Variants in CHLSN observed in about 807,000 individuals in gnomAD.
CHLSN encodes cholesin, also known as protein cholesin.
At chr7:1,105,346 C>T in the CHLSN span, among the ~76,000 whole-genome samples, 5 of 152,234 alleles carry the variant, frequency 3.3e-5, no homozygotes, top group African/African-American at 4.8e-5. Context: ...TGCCGCCGGC[C>T]GGCTGTGGAA....
chr7:1,113,290 C>G, the CHLSN span, among the ~76,000 whole-genome samples: 6 of 152,174 alleles, frequency 3.9e-5, no homozygotes, highest in African/African-American at 9.7e-5. Context: ...AGTGAGCGCC[C>G]TGATGGCACT....
the CHLSN span, chr7:1,093,046 C>T: frequency 1.4e-6 from 1 of 714,234 alleles, no homozygotes; most frequent in Non-Finnish European, 2.6e-6. Flanking sequence ...GACTGGTCAC[C>T]TTGCACTCCT....
At chr7:1,124,432 T>C in the CHLSN span, among the ~76,000 whole-genome samples, 1 of 151,246 alleles carries the variant, frequency 6.6e-6, no homozygotes, top group African/African-American at 2.4e-5. Flanking sequence ...CTCTGCGGAA[T>C]TGAGACTGGG....
chr7:1,062,872 G>A, the CHLSN span, among the ~76,000 whole-genome samples: 1 of 152,148 alleles, frequency 6.6e-6, no homozygotes, highest in African/African-American at 2.4e-5. Context: ...CATTTCACAT[G>A]TACCCCTACT....
At chr7:1,076,487 C>T in the CHLSN span, among the ~76,000 whole-genome samples, 2,964 of 152,304 alleles carry the variant, frequency 0.019, 102 homozygotes, top group African/African-American at 0.068. Flanking sequence ...GGATGTGCCA[C>T]GCTGGTTTTC....
chr7:1,135,996 AAT>A, the CHLSN span, among the ~76,000 whole-genome samples: 19 of 122,310 alleles, frequency 1.6e-4, no homozygotes, highest in East Asian at 2.3e-4. Context: ...AGCATATATA[AAT>A]ATATATATAA....
the CHLSN span, among the ~76,000 whole-genome samples, chr7:1,046,067 G>A: frequency 6.8e-6 from 1 of 147,960 alleles, no homozygotes; most frequent in East Asian, 1.9e-4. Context: ...AGGATGTAAA[G>A]GCTGATTATG....
At chr7:1,018,519 G>A in the CHLSN span, among the ~76,000 whole-genome samples, 12 of 152,088 alleles carry the variant, frequency 7.9e-5, no homozygotes, top group Admixed American at 5.2e-4. Flanking sequence ...TGTGCCTCTC[G>A]GAGGTCCGCA....
At chr7:1,085,618 AG>A in the CHLSN span, among the ~76,000 whole-genome samples, 64 of 151,880 alleles carry the variant, frequency 4.2e-4, no homozygotes, top group African/African-American at 1.5e-3. Context: ...GGATCTCTTG[AG>A]CCCAGGAGTT....
At chr7:1,020,233 G>T in the CHLSN span, among the ~76,000 whole-genome samples, 3 of 152,210 alleles carry the variant, frequency 2.0e-5, no homozygotes, top group Non-Finnish European at 4.4e-5. Flanking sequence ...CCCGTCCTGT[G>T]AACACGCGCT....
chr7:980,902 T>C, the CHLSN span, among the ~76,000 whole-genome samples: 1 of 151,636 alleles, frequency 6.6e-6, no homozygotes. Context: ...TTAGCCAGGA[T>C]GGTCTCGATC....
the CHLSN span, among the ~76,000 whole-genome samples, chr7:1,122,536 G>C: frequency 6.6e-6 from 1 of 152,312 alleles, no homozygotes; most frequent in Non-Finnish European, 1.5e-5. Flanking sequence ...GGAGAGGCAG[G>C]GGGAGGGTGA....
At chr7:1,123,377 G>T in the CHLSN span, among the ~76,000 whole-genome samples, 85 of 152,302 alleles carry the variant, frequency 5.6e-4, no homozygotes, top group East Asian at 0.016. The surrounding 1 kb of genome is among the most constrained non-coding windows in gnomAD (Gnocchi z 4.4). Flanking sequence ...CTCCCCAGAC[G>T]GACGTTGCTG....
the CHLSN span, among the ~76,000 whole-genome samples, chr7:1,002,153 G>A: frequency 7.4e-6 from 1 of 135,322 alleles, no homozygotes; most frequent in African/African-American, 2.9e-5. Flanking sequence ...GTGGAGTCCT[G>A]TGGGTGAGTG....
chr7:1,057,282 A>G, the CHLSN span, among the ~76,000 whole-genome samples: 88,656 of 151,910 alleles, frequency 0.58, 26,295 homozygotes, highest in African/African-American at 0.67. Context: ...CCGCTGAAAT[A>G]AGTGCAGCCA....
the CHLSN span, among the ~76,000 whole-genome samples, chr7:1,072,676 CT>C: frequency 3.9e-3 from 426 of 110,272 alleles, no homozygotes; most frequent in Non-Finnish European, 5.3e-3. Context: ...CTTTTCTTTC[CT>C]TTTTTTTTTT....
chr7:1,031,328 G>A, the CHLSN span, among the ~76,000 whole-genome samples: 3 of 151,928 alleles, frequency 2.0e-5, no homozygotes, highest in Non-Finnish European at 2.9e-5. Flanking sequence ...GGAAATCAGC[G>A]AAACAGCACC....
At chr7:984,155 C>CA in the CHLSN span, among the ~76,000 whole-genome samples, 2 of 152,240 alleles carry the variant, frequency 1.3e-5, no homozygotes, top group African/African-American at 4.8e-5. Context: ...TTGAGCCCCC[C>CA]AGGAATTTTG....
At chr7:1,054,227 C>A in the CHLSN span, among the ~76,000 whole-genome samples, 1 of 152,332 alleles carries the variant, frequency 6.6e-6, no homozygotes. Flanking sequence ...ACGCAAAGCG[C>A]GTCACCTTCC....
Sources: allele counts gnomAD v4.1 joint callset (sites outside exome capture counted in the v4.1 genomes callset), GRCh38; gene constraint gnomAD v4.1.1; non-coding constraint Gnocchi (gnomAD v3.1); transcripts MANE v1.5; gene names NCBI Gene and HGNC (gene_info 2026-07-23, HGNC 2026-07-21).